ARHGAP15: variants seen among roughly 807,000 people sequenced by gnomAD.
ARHGAP15 encodes the protein Rho GTPase activating protein 15.
A neutral mutation model predicts 63.7 loss-of-function variants in ARHGAP15; 51 were observed. The observed-to-expected ratio is 0.80, with a 90% confidence interval of 0.64 to 1.01. The LOEUF (loss-of-function observed/expected upper bound fraction) is 1.01. Ranked by LOEUF, ARHGAP15 falls within the 50% of genes least tolerant of loss-of-function variation. The pLI is 0.00. For synonymous variants in ARHGAP15, 191 were observed against 193.8 expected (o/e 0.99, Z 0.12); for missense variants, 560 against 564.6 (o/e 0.99, Z 0.08).
chr2:143,636,533 T>C (rs948643958), intron 12 of ARHGAP15, among the ~76,000 whole-genome samples: 1 of 152,100 alleles, frequency 6.6e-6, no homozygotes, highest in Admixed American at 6.6e-5. Flanking sequence ...GCCCCCTCCG[T>C]GTTAACTGAG....
chr2:143,584,956 C>T (rs1223328912), intron 11 of ARHGAP15, among the ~76,000 whole-genome samples: 2 of 152,100 alleles, frequency 1.3e-5, no homozygotes, highest in Non-Finnish European at 2.9e-5. Flanking sequence ...CTAATATCTT[C>T]GTACATGTAT....
Position 143,664,668 on chromosome 2 carries a change from T to C in ARHGAP15, c.1139-38751T>C, listed in dbSNP as rs550949406. Among the ~76,000 whole-genome samples the C allele has an allele frequency of 6.3e-4, 96 of 151,872 alleles. 1 individual carries two copies. Among genetic ancestry groups the C allele is most frequent in the African/African-American group, 2.2e-3 (93 of 41,382 alleles). On this transcript the variant is annotated intron_variant, in intron 12 of 13. Coordinates refer to ENST00000295095, the MANE Select transcript of ARHGAP15 (RefSeq NM_018460.4). The stretch of plus-strand genomic sequence containing the variant: ...AGGATCAACAAAATTGATAGACCAC[T>C]AGCAAGACTAATAAAGAAAAAAAGA...
chr2:143,196,584 T>C (rs893040578), intron 2 of ARHGAP15, among the ~76,000 whole-genome samples: 2 of 151,978 alleles, frequency 1.3e-5, no homozygotes, highest in Non-Finnish European at 2.9e-5. Context: ...AACAGAATTG[T>C]CAGGGCCCCT....
At chr2:143,704,718 G>A (rs2105426490) in intron 13 of ARHGAP15, among the ~76,000 whole-genome samples, 1 of 152,236 alleles carries the variant, frequency 6.6e-6, no homozygotes, top group East Asian at 1.9e-4. Context: ...CCTGACAGAG[G>A]TTCAAATAGA....
intron 6 of ARHGAP15, among the ~76,000 whole-genome samples, chr2:143,397,069 G>A (rs1015437483): frequency 1.3e-5 from 2 of 151,994 alleles, no homozygotes; most frequent in African/African-American, 4.8e-5. Context: ...TTTCAGTGCT[G>A]CAAAGAGAAA....
chr2:143,570,268 A>C (rs1368605699), intron 11 of ARHGAP15, among the ~76,000 whole-genome samples: 2 of 152,186 alleles, frequency 1.3e-5, no homozygotes, highest in Non-Finnish European at 2.9e-5. Context: ...AATGTCACTC[A>C]AATTTTCCCT....
chr2:143,734,571 A>C (rs370680739), intron 13 of ARHGAP15, among the ~76,000 whole-genome samples: 49 of 152,362 alleles, frequency 3.2e-4, no homozygotes, highest in African/African-American at 1.0e-3. Context: ...TACAAGAAAC[A>C]GGAATTGGTA....
chr2:143,365,991 C>T (rs550617205), intron 6 of ARHGAP15, among the ~76,000 whole-genome samples: 3 of 152,106 alleles, frequency 2.0e-5, no homozygotes, highest in Non-Finnish European at 4.4e-5. Flanking sequence ...TATTCAGCTC[C>T]TATATATTCT....
chr2:143,225,356 C>T (rs1235064012), intron 4 of ARHGAP15, among the ~76,000 whole-genome samples: 1 of 151,962 alleles, frequency 6.6e-6, no homozygotes. Context: ...AATCCCAGCA[C>T]TTTGGGAGGC....
At chr2:143,659,637 A>G (rs1386009696) in intron 12 of ARHGAP15, among the ~76,000 whole-genome samples, 2 of 152,182 alleles carry the variant, frequency 1.3e-5, no homozygotes, top group African/African-American at 4.8e-5. Context: ...CTTCCAAGCC[A>G]CTACCGCCCT....
rs11464621 is a variant in ARHGAP15 at position 143,712,803 on chromosome 2, T to TAA, written c.1244+9291_1244+9292dup. 4.4e-3 allele frequency among the ~76,000 whole-genome samples: 647 copies of TAA among 145,508 alleles called. 2 individuals are homozygous for TAA. The highest frequency in any genetic ancestry group is 4.7e-3 in the African/African-American group (185 of 39,720). The stretch of plus-strand genomic sequence containing the variant: ...TGTTCTTACCTTCACCCTTCAGCTT[T>TAA]AAAAAAAAAAAAACCCACAGGAATA... On this transcript the variant is annotated intron_variant, in intron 13 of 13. Transcript: ENST00000295095.
intron 8 of ARHGAP15, among the ~76,000 whole-genome samples, chr2:143,482,322 A>C (rs534536400): frequency 2.0e-5 from 3 of 152,312 alleles, no homozygotes; most frequent in African/African-American, 4.8e-5. Flanking sequence ...CTTCACCCTC[A>C]AAAAGTAGTT....
chr2:143,330,107 A>C lies in ARHGAP15; in HGVS notation c.474+79507A>C, dbSNP rs1334109113. ...AAGGCTCTGTCTCAAAAAAAAAAAAAAAAAAAAAAAAAAAAAAAAAAAAAC... is the reference window on the plus strand; with the variant it reads ...AAGGCTCTGTCTCAAAAAAAAAAAACAAAAAAAAAAAAAAAAAAAAAAAAC... On this transcript the variant is annotated intron_variant, in intron 6 of 13. Coordinates refer to ENST00000295095, the MANE Select transcript of ARHGAP15 (RefSeq NM_018460.4). Among the ~76,000 whole-genome samples, 12 of 82,142 alleles carry C rather than the reference A, an allele frequency of 1.5e-4. 1 individual carries two copies. The highest frequency in any genetic ancestry group is 4.6e-4 in the African/African-American group (10 of 21,656). The allele number at this position is 82,142 out of a possible 152,430, so 53.9% of individuals were successfully genotyped here.
rs1026931666 is a variant in ARHGAP15, at chr2:143,663,535, A to C, written c.1138+39268A>C. On this transcript the variant is annotated intron_variant, in intron 12 of 13. Transcript: ENST00000295095. ...ATGAGCAAAATCACCAGCTAACATC[A>C]TAATGACAGGATCAAATTCACACAT... Among the ~76,000 whole-genome samples, 138 of 150,100 alleles carry C rather than the reference A, an allele frequency of 9.2e-4. 2 individuals are homozygous for C. The highest frequency in any genetic ancestry group is 8.9e-3 in the Admixed American group (134 of 15,028).
chr2:143,215,306 A>G (rs931925996), intron 3 of ARHGAP15, among the ~76,000 whole-genome samples: 1 of 152,096 alleles, frequency 6.6e-6, no homozygotes, highest in African/African-American at 2.4e-5. Flanking sequence ...GGTTCTTGCT[A>G]TTCTGCCCAG....
chr2:143,488,695 T>C (rs1362126708), intron 9 of ARHGAP15, among the ~76,000 whole-genome samples: 3 of 152,260 alleles, frequency 2.0e-5, no homozygotes, highest in Non-Finnish European at 4.4e-5. Context: ...AGCATTTAAA[T>C]AATTTATAAC....
intron 1 of ARHGAP15, among the ~76,000 whole-genome samples, chr2:143,129,725 G>T (rs571370230): frequency 5.3e-5 from 8 of 152,234 alleles, no homozygotes; most frequent in African/African-American, 9.6e-5. Flanking sequence ...GTTAAAGACA[G>T]AATAAGTTAT....
At chr2:143,237,749 T>A (rs1693710340) in intron 5 of ARHGAP15, 1 of 152,200 alleles carries the variant, frequency 6.6e-6, no homozygotes, top group Non-Finnish European at 1.5e-5. Context: ...TCACTTTTGA[T>A]ATAAATTCAA....
chr2:143,566,645 T>C (rs930333954), intron 11 of ARHGAP15, among the ~76,000 whole-genome samples: 1 of 152,120 alleles, frequency 6.6e-6, no homozygotes, highest in Admixed American at 6.5e-5. Context: ...CTTCCTTTCT[T>C]TCTCAGATTC....
Sources: gnomAD v4.1 joint callset for allele counts (sites outside exome capture counted in the v4.1 genomes callset) on GRCh38, gnomAD v4.1.1 for gene constraint, MANE v1.5 for transcripts, NCBI Gene and HGNC (gene_info 2026-07-23, HGNC 2026-07-21) for gene names.